KLK7: variants seen among roughly 807,000 people sequenced by gnomAD.
KLK7 encodes kallikrein-7.
A neutral mutation model predicts 21.0 loss-of-function variants in KLK7; 17 were observed. That is an observed-to-expected ratio of 0.81 (90% CI 0.55 to 1.21). The LOEUF (loss-of-function observed/expected upper bound fraction) is 1.21, where lower values mean the gene tolerates loss of function less well. KLK7 is among the 50% of genes most tolerant of loss of function. The probability of loss-of-function intolerance (pLI) is 0.00; values close to 1 mark genes in which losing one functional copy is unlikely to be tolerated. For missense variants in KLK7, 330 were observed against 322.8 expected (o/e 1.02, Z -0.17); for synonymous variants, 151 against 134.6 (o/e 1.12, Z -0.85).
At chr19:50,983,598 C>T (rs2091108868) in intron 1 of KLK7, among the ~76,000 whole-genome samples, 2 of 152,164 alleles carry the variant, frequency 1.3e-5, no homozygotes, top group Non-Finnish European at 2.9e-5. Flanking sequence ...CCCTCAGACC[C>T]AAAATTCCTG....
chr19:50,983,972 G>C (rs2091111557), upstream of KLK7: 1 of 1,270,862 alleles, frequency 7.9e-7, no homozygotes, highest in Admixed American at 2.3e-5. Context: ...CCCGGCCCCA[G>C]CGCCCTGGGG....
intron 2 of KLK7, 54 bp from the exon 3 acceptor site, chr19:50,981,968 G>A (rs1449173428): frequency 3.3e-5 from 52 of 1,571,220 alleles, no homozygotes; most frequent in Non-Finnish European, 4.3e-5. Flanking sequence ...GGAAGGCTGA[G>A]GCTGCACCTC....
At chr19:50,983,947 AC>A (rs565162268), upstream of KLK7, 8 of 1,281,378 alleles carry the variant, frequency 6.2e-6, no homozygotes, top group Admixed American at 2.3e-5. Context: ...CTCTTATATC[AC>A]CCCCCGCCCC....
chr19:50,982,418 T>C lies in KLK7; in HGVS notation c.-19A>G, dbSNP rs2091096730. 1 of 1,599,286 alleles carries C rather than the reference T, an allele frequency of 6.3e-7. No individual in the cohort carries two copies. The highest frequency in any genetic ancestry group is 1.3e-5 in the African/African-American group (1 of 74,760). The stretch of plus-strand genomic sequence containing the variant: ...TTGCCATGGTGCCCTGCTGAGCCGC[T>C]CAGGGGCTGCCAGGCGAGGAAGGGC... On this transcript the variant is annotated 5_prime_UTR_variant, in exon 2 of 6. Transcript: ENST00000595820.
chr19:50,981,957 G>C, intron 2 of KLK7, 43 bp from the exon 3 acceptor site: 1 of 1,601,814 alleles, frequency 6.2e-7, no homozygotes, highest in Non-Finnish European at 8.5e-7. Context: ...CTAGCATTAG[G>C]GGAAGGCTGA....
At chr19:50,983,637 C>T in intron 1 of KLK7, 1 of 544,816 alleles carries the variant, frequency 1.8e-6, no homozygotes. Context: ...ACCCAGGAAT[C>T]TAGGCTCCGA....
intron 5 of KLK7, 70 bp downstream of exon 5, chr19:50,979,718 C>A: frequency 6.7e-7 from 1 of 1,502,050 alleles, no homozygotes; most frequent in Non-Finnish European, 9.0e-7. Flanking sequence ...TCACTCGGGT[C>A]AAGCTCTGTC....
chr19:50,978,629 G>A (rs1284324103), intron 5 of KLK7, among the ~76,000 whole-genome samples: 2 of 131,724 alleles, frequency 1.5e-5, no homozygotes, highest in Non-Finnish European at 3.2e-5. Context: ...GGGGGGGAAG[G>A]TGTGGGGAGA....
At chr19:50,983,064 G>GC (rs554230148) in intron 1 of KLK7, among the ~76,000 whole-genome samples, 188 of 11,962 alleles carry the variant, frequency 0.016, 31 homozygotes, top group Non-Finnish European at 0.032. Flanking sequence ...AGGAGTCCAG[G>GC]CCCCAGCCCC....
At chr19:50,977,972 C>A (rs936818393) in intron 5 of KLK7, among the ~76,000 whole-genome samples, 1 of 152,114 alleles carries the variant, frequency 6.6e-6, no homozygotes, top group Admixed American at 6.5e-5. Context: ...ATGTTAAGGA[C>A]CCTGCTCCAA....
rs769536810 is a variant in KLK7 at position 50,977,644 on chromosome 19, C to T, written c.654G>A (p.Leu218=). 6.2e-7 allele frequency: 1 copy of T among 1,613,788 alleles called. No individual in the cohort carries two copies. The highest frequency in any genetic ancestry group is 8.5e-7 in the Non-Finnish European group (1 of 1,180,016). Residue 218 remains leucine, a synonymous_variant, in exon 6 of 6, where the codon CTG becomes CTA. Coordinates refer to ENST00000595820, the MANE Select transcript of KLK7 (RefSeq NM_005046.4). Reference sequence around the variant, plus strand: ...CGCAAGGGAAAGTTCCCCAGGACACCAGACCTTGCAGGGTACCTCTGCACA... The same window carrying T: ...CGCAAGGGAAAGTTCCCCAGGACACTAGACCTTGCAGGGTACCTCTGCACA... ...PLVCRGTLQG[L]VSWGTFPCGQ...
At chr19:50,980,567 G>A (rs903522825) in intron 3 of KLK7, 80 bp from the exon 4 acceptor site, 10 of 1,570,238 alleles carry the variant, frequency 6.4e-6, no homozygotes. Flanking sequence ...ACGGGGTGGG[G>A]ACAGAGACCC....
intron 5 of KLK7, among the ~76,000 whole-genome samples, chr19:50,979,056 T>C (rs1381731385): frequency 6.6e-6 from 1 of 151,318 alleles, no homozygotes; most frequent in Non-Finnish European, 1.5e-5. Flanking sequence ...TGAAATGAAA[T>C]TATGTCACAA....
Position 50,980,492 on chromosome 19 carries a change from G to A in KLK7, c.222-5C>T, listed in dbSNP as rs765639292. 11 of 1,613,550 alleles carry A rather than the reference G, an allele frequency of 6.8e-6. No homozygotes were observed. Among genetic ancestry groups the A allele is most frequent in the South Asian group, 5.5e-5 (5 of 91,064 alleles). On this transcript the variant is annotated splice_region_variant and splice_polypyrimidine_tract_variant and intron_variant, in intron 3 of 5. Transcript: ENST00000595820. ...CCCAGGTGCACGGTGTACTCACTGC[G>A]AGGAGTGACATTCACAGATTCAGAA...
At chr19:50,979,757 A>C (rs1442790572) in intron 5 of KLK7, 31 bp downstream of exon 5, 1 of 1,555,702 alleles carries the variant, frequency 6.4e-7, no homozygotes, top group East Asian at 2.4e-5. Context: ...GGTACCCAGG[A>C]CTGGGGAGGA....
Position 50,982,350 on chromosome 19 carries a change from G to A in KLK7, c.50C>T (p.Ala17Val), listed in dbSNP as rs758785488. The A allele has an allele frequency of 6.2e-7, 1 of 1,611,080 alleles. No individual in the cohort carries two copies. Among genetic ancestry groups the A allele is most frequent in the Non-Finnish European group, 8.5e-7 (1 of 1,178,818 alleles). ...LPLQILLLSL[A>V]LETAGEEAQG... ...ACCTTCTTCTCCTGCAGTTTCCAAG[G>A]CTAAGGATAGCAGTAAGATCTGCAG... Residue 17 changes from alanine (A) to valine (V), a missense_variant, in exon 2 of 6, where the codon GCC becomes GTC. Physicochemically the swap from Ala to Val is moderately conservative, Grantham distance 64. Transcript: ENST00000595820.
rs2091095165 is a variant in KLK7 at position 50,982,263 on chromosome 19, G to T, written c.73+64C>A. ...GAGGAGGGAAGGGTTCTGACTCAGG[G>T]ACTCCTTGGAGAGGGTCAGTGGGGG... On this transcript the variant is annotated intron_variant, in intron 2 of 5. Coordinates refer to ENST00000595820, the MANE Select transcript of KLK7 (RefSeq NM_005046.4). 1.5e-5 allele frequency: 23 copies of T among 1,567,802 alleles called. 1 individual carries two copies. Among genetic ancestry groups the T allele is most frequent in the Non-Finnish European group, 1.9e-5 (22 of 1,153,990 alleles).
chr19:50,982,066 C>T (rs926497577), intron 2 of KLK7, 152 bp from the exon 3 acceptor site: 10 of 915,126 alleles, frequency 1.1e-5, no homozygotes, highest in Non-Finnish European at 1.6e-5. Flanking sequence ...TAGAGACAGA[C>T]AGAAGGAGCC....
chr19:50,983,642 C>G (rs2091109090), intron 1 of KLK7: 1 of 572,882 alleles, frequency 1.7e-6, no homozygotes, highest in Non-Finnish European at 2.6e-6. Flanking sequence ...GGAATCTAGG[C>G]TCCGATCTTG....
Sources: gnomAD v4.1 joint callset for allele counts (sites outside exome capture counted in the v4.1 genomes callset) on GRCh38, gnomAD v4.1.1 for gene constraint, MANE v1.5 for transcripts, NCBI Gene and HGNC (gene_info 2026-07-23, HGNC 2026-07-21) for gene names.